Variants in GSN observed in about 807,000 individuals in gnomAD.
GSN encodes actin-depolymerizing factor.
In GSN, 56 loss-of-function variants were observed where a neutral mutation model predicts 85.7. That is an observed-to-expected ratio of 0.65 (90% CI 0.53 to 0.82). The LOEUF is 0.82. Among genes scored for constraint, GSN ranks in the 40% least tolerant of loss-of-function variants. The pLI, the probability that GSN is intolerant of heterozygous loss-of-function variation, is 0.00. For missense variants in GSN, 857 were observed against 979.8 expected (o/e 0.87, Z 1.67); for synonymous variants, 373 against 399.1 (o/e 0.93, Z 0.78).
chr9:121,250,869 TGG>T (rs1450562861), intron 6 of GSN, among the ~76,000 whole-genome samples: 11 of 118,862 alleles, frequency 9.3e-5, no homozygotes, highest in South Asian at 3.1e-4. Context: ...CATGCCTGCT[TGG>T]GGTGTGTGTG....
upstream of GSN, among the ~76,000 whole-genome samples, chr9:121,263,080 C>T (rs2055119929): frequency 6.6e-6 from 1 of 152,102 alleles, no homozygotes; most frequent in South Asian, 2.1e-4. Context: ...TGCAGTGAGT[C>T]GAATGGGGGA....
intron 1 of GSN, chr9:121,208,007 G>C (rs1202048673): frequency 6.6e-6 from 1 of 150,842 alleles, no homozygotes; most frequent in Non-Finnish European, 1.5e-5. Flanking sequence ...GATTGGTCTT[G>C]AACTCTTGAG....
intron 4 of GSN, among the ~76,000 whole-genome samples, chr9:121,218,383 C>T (rs1192707405): frequency 6.6e-6 from 1 of 152,080 alleles, no homozygotes; most frequent in Non-Finnish European, 1.5e-5. Context: ...GCCTGTAATC[C>T]CAGTGCTTTG....
In GSN at chr9:121,332,801, G is replaced by A; in HGVS notation, c.*198G>A. 1 of 587,612 alleles carries A rather than the reference G, an allele frequency of 1.7e-6. No individual in the cohort carries two copies. The highest frequency in any genetic ancestry group is 3.0e-6 in the Non-Finnish European group (1 of 331,294). The allele number at this position is 587,612 out of a possible 1,614,324, so 36.4% of individuals were successfully genotyped here. A position where few individuals can be genotyped will look rare whatever the true frequency, so the allele number is the denominator to read the frequency against. On this transcript the variant is annotated 3_prime_UTR_variant, in exon 18 of 18. Transcript: ENST00000432226. The surrounding 1 kb of genome is among the most constrained non-coding windows in gnomAD (Gnocchi z 4.8). ...CCTTGCAAAATTGTCTAAAATGTCA[G>A]TGTTTGGGAAATTAAATCCAATAAA...
At chr9:121,203,965 A>T (rs2053844567), upstream of GSN, among the ~76,000 whole-genome samples, 1 of 152,232 alleles carries the variant, frequency 6.6e-6, no homozygotes. Flanking sequence ...ACACTTTAAC[A>T]TTTTTGAAAC....
At chr9:121,205,812 T>C (rs2053872881), upstream of GSN, among the ~76,000 whole-genome samples, 1 of 152,152 alleles carries the variant, frequency 6.6e-6, no homozygotes. Context: ...AGATGTTATT[T>C]TATCCTTCAT....
chr9:121,237,880 C>T (rs1399101080), intron 5 of GSN, among the ~76,000 whole-genome samples: 1 of 152,228 alleles, frequency 6.6e-6, no homozygotes, highest in African/African-American at 2.4e-5. Flanking sequence ...TGCATCCCTG[C>T]AGCTACTTTT....
chr9:121,322,894 G>A (rs1050630213), intron 11 of GSN, among the ~76,000 whole-genome samples: 1 of 149,672 alleles, frequency 6.7e-6, no homozygotes. Context: ...GCAGTGGTAC[G>A]ATCTCTGCTC....
intron 2 of GSN, chr9:121,286,202 C>T: frequency 6.7e-7 from 1 of 1,493,146 alleles, no homozygotes; most frequent in Non-Finnish European, 9.0e-7. Context: ...AGCACGGGAT[C>T]TGGGGTGGTC....
intron 5 of GSN, among the ~76,000 whole-genome samples, chr9:121,234,344 A>G (rs2054451219): frequency 6.6e-6 from 1 of 152,174 alleles, no homozygotes; most frequent in Non-Finnish European, 1.5e-5. Context: ...CATCTTGAAA[A>G]GTAATAGAGA....
chr9:121,302,924 C>T lies in GSN; in HGVS notation c.210C>T (p.Ser70=). Residue 70 remains serine (S), a synonymous_variant, in exon 4 of 18, where the codon AGC becomes AGT. Coordinates refer to ENST00000432226, the MANE Select transcript of GSN (RefSeq NM_198252.3). The part of the protein sequence containing the change: ...DLHYWLGNEC[S]QDESGAAAIF... ...GATGTCCCGTAGGCAATGAGTGCAG[C>T]CAGGATGAGAGCGGGGCGGCCGCCA... is the stretch of plus-strand genomic sequence containing the variant. 6.2e-7 allele frequency: 1 copy of T among 1,613,862 alleles called. No homozygotes were observed. The highest frequency in any genetic ancestry group is 1.1e-5 in the South Asian group (1 of 91,072).
chr9:121,234,922 G>A (rs1429615251), intron 5 of GSN, among the ~76,000 whole-genome samples: 1 of 152,180 alleles, frequency 6.6e-6, no homozygotes, highest in Non-Finnish European at 1.5e-5. Flanking sequence ...TGTTCCAGAT[G>A]GAGTTAGTTC....
intron 6 of GSN, among the ~76,000 whole-genome samples, chr9:121,256,574 CAG>C (rs1168393202): frequency 6.6e-6 from 1 of 151,654 alleles, no homozygotes; most frequent in Admixed American, 6.6e-5. Flanking sequence ...AAAATGCAGT[CAG>C]ATAAAATAAA....
intron 10 of GSN, 49 bp from the exon 11 acceptor site, chr9:121,321,218 TG>T (rs752822724): frequency 3.7e-6 from 6 of 1,607,368 alleles, no homozygotes; most frequent in East Asian, 2.2e-5. Context: ...TTGCCTGAGC[TG>T]GGGGGTGGGG....
intron 4 of GSN, among the ~76,000 whole-genome samples, chr9:121,215,891 G>A (rs1448116147): frequency 6.6e-6 from 1 of 151,880 alleles, no homozygotes; most frequent in Non-Finnish European, 1.5e-5. Context: ...ATAATTGTTT[G>A]TAATTTATTA....
chr9:121,233,368 G>A (rs2054431019), intron 5 of GSN, among the ~76,000 whole-genome samples: 1 of 152,152 alleles, frequency 6.6e-6, no homozygotes, highest in African/African-American at 2.4e-5. Context: ...AGGAGGCTGA[G>A]GCAGGAGAAT....
intron 4 of GSN, among the ~76,000 whole-genome samples, chr9:121,304,634 C>T (rs957712210): frequency 2.6e-5 from 4 of 152,226 alleles, no homozygotes; most frequent in Admixed American, 2.6e-4. Context: ...GCCTCAATAA[C>T]AGCAGCACCA....
At chr9:121,248,351 T>G (rs2054745046) in intron 6 of GSN, 1 of 152,282 alleles carries the variant, frequency 6.6e-6, no homozygotes, top group Non-Finnish European at 1.5e-5. Flanking sequence ...CAAGCCCTTG[T>G]CTCTTTCCTT....
At chr9:121,206,348 CAAAG>C (rs370319322), upstream of GSN, among the ~76,000 whole-genome samples, 97 of 151,746 alleles carry the variant, frequency 6.4e-4, no homozygotes, top group African/African-American at 1.8e-3. Context: ...AGTAGGTTGA[CAAAG>C]AAATCAAAAT....
Sources: gnomAD v4.1 joint callset for allele counts (sites outside exome capture counted in the v4.1 genomes callset) on GRCh38, gnomAD v4.1.1 for gene constraint, Gnocchi (gnomAD v3.1) non-coding constraint, MANE v1.5 for transcripts, NCBI Gene and HGNC (gene_info 2026-07-23, HGNC 2026-07-21) for gene names.